ATP6V1A: variants seen among roughly 807,000 people sequenced by gnomAD.
The protein encoded by ATP6V1A is ATPase H+ transporting V1 subunit A.
In ATP6V1A, 18 loss-of-function variants were observed where a neutral mutation model predicts 70.1. The observed-to-expected ratio is 0.26, with a 90% CI of 0.18 to 0.38. The LOEUF (loss-of-function observed/expected upper bound fraction) is 0.38. ATP6V1A is among the 10% of genes least tolerant of loss of function. The pLI, the probability that ATP6V1A is intolerant of heterozygous loss-of-function variation, is 1.00. For missense variants in ATP6V1A, 424 were observed against 772.4 expected, an observed-to-expected ratio of 0.55 and a Z score of 5.35; for synonymous variants, 232 against 253.8, an observed-to-expected ratio of 0.91 and a Z score of 0.82.
At chr3:113,802,481 A>G (rs964597551) in intron 12 of ATP6V1A, among the ~76,000 whole-genome samples, 9 of 151,040 alleles carry the variant, frequency 6.0e-5, no homozygotes, top group Non-Finnish European at 1.3e-4. Flanking sequence ...CAGGCGCCCT[A>G]CCACACCTAG....
rs1191368856 is a variant in ATP6V1A at position 113,751,927 on chromosome 3, AAATT to A, written c.-14+4818_-14+4821del. ...TACAACTGTGATTAGCTGTTTTTAA[AAATT>A]AATGGTATATCATAAGTATTTTCAG... On this transcript the variant is annotated intron_variant, in intron 1 of 14. Coordinates refer to ENST00000273398, the MANE Select transcript of ATP6V1A (RefSeq NM_001690.4). Among the ~76,000 whole-genome samples, 3 of 152,010 alleles carry A rather than the reference AAATT, an allele frequency of 2.0e-5. No homozygotes were observed. In the East Asian group the frequency reaches 5.8e-4, roughly 29 times the overall value.
At chr3:113,768,389 C>G (rs774958170) in intron 1 of ATP6V1A, among the ~76,000 whole-genome samples, 20 of 151,924 alleles carry the variant, frequency 1.3e-4, no homozygotes, top group Non-Finnish European at 2.9e-4. Context: ...TTTTCAAAGT[C>G]CTTTCTTGTT....
rs1709175506 is a variant in ATP6V1A, at chr3:113,798,330, G to A, written c.1378G>A (p.Ala460Thr). The A allele has an allele frequency of 6.2e-7, 1 of 1,613,832 alleles. No homozygotes were observed. The highest frequency in any genetic ancestry group is 8.5e-7 in the Non-Finnish European group (1 of 1,179,982). Residue 460 changes from alanine (A) to threonine (T), a missense_variant, in exon 12 of 15, where the codon GCC becomes ACC. Physicochemically the swap from Ala to Thr is moderately conservative, Grantham distance 58. Transcript: ENST00000273398. ...WLISYSKYMR[A>T]LDEYYDKHFT... is the part of the protein sequence containing the mutation. ...CATCAGCTACAGCAAGTATATGCGT[G>A]CCTTGGATGAATACTATGACAAACA...
chr3:113,784,186 AAC>A (rs1191866374), intron 3 of ATP6V1A, 36 bp from the exon 4 acceptor site: 1 of 1,570,448 alleles, frequency 6.4e-7, no homozygotes, highest in Non-Finnish European at 8.8e-7. Context: ...TGTGTCTTTA[AAC>A]CTTCATAGTA....
chr3:113,788,630 T>G, intron 6 of ATP6V1A, 83 bp from the exon 7 acceptor site: 6 of 1,369,032 alleles, frequency 4.4e-6, no homozygotes, highest in Non-Finnish European at 6.0e-6. Flanking sequence ...ATTACAGGCG[T>G]GAGCCACCGC....
intron 13 of ATP6V1A, among the ~76,000 whole-genome samples, chr3:113,805,120 T>TA (rs1282250354): frequency 1.3e-5 from 2 of 152,198 alleles, no homozygotes; most frequent in African/African-American, 4.8e-5. Flanking sequence ...TTAAAATAAA[T>TA]ACAAGAATAT....
intron 1 of ATP6V1A, among the ~76,000 whole-genome samples, chr3:113,757,514 C>T (rs1311241148): frequency 6.6e-6 from 1 of 152,182 alleles, no homozygotes; most frequent in African/African-American, 2.4e-5. Context: ...AAAGTGTGTT[C>T]AAGATGGAGT....
chr3:113,779,776 A>G (rs1708958419), intron 2 of ATP6V1A, among the ~76,000 whole-genome samples: 1 of 152,254 alleles, frequency 6.6e-6, no homozygotes, highest in African/African-American at 2.4e-5. Flanking sequence ...AGGCAAAAGA[A>G]CATCAGAGAG....
intron 11 of ATP6V1A, among the ~76,000 whole-genome samples, chr3:113,797,587 T>C (rs1709166803): frequency 6.6e-6 from 1 of 152,190 alleles, no homozygotes; most frequent in South Asian, 2.1e-4. Context: ...GTAAAGTGTG[T>C]ATTCGATCTA....
chr3:113,764,618 A>C (rs1399400235), intron 1 of ATP6V1A, among the ~76,000 whole-genome samples: 3 of 152,168 alleles, frequency 2.0e-5, no homozygotes. Flanking sequence ...GGCTGTTTGC[A>C]TCATAGGTAA....
chr3:113,748,721 C>T (rs1450842189), intron 1 of ATP6V1A, among the ~76,000 whole-genome samples: 3 of 152,152 alleles, frequency 2.0e-5, no homozygotes, highest in Non-Finnish European at 4.4e-5. Context: ...AACATAACCT[C>T]GGAGATGTTG....
chr3:113,751,738 G>A (rs536065607), intron 1 of ATP6V1A, among the ~76,000 whole-genome samples: 1 of 151,416 alleles, frequency 6.6e-6, no homozygotes, highest in East Asian at 1.9e-4. Flanking sequence ...TACGCAATGT[G>A]TGTGTATGTA....
chr3:113,775,206 A>G (rs1320514171), intron 1 of ATP6V1A, among the ~76,000 whole-genome samples: 3 of 151,836 alleles, frequency 2.0e-5, no homozygotes, highest in Admixed American at 1.3e-4. Flanking sequence ...CATTTTTGTA[A>G]GCGTATTACA....
chr3:113,792,699 A>G (rs753145451), intron 8 of ATP6V1A, among the ~76,000 whole-genome samples: 1 of 152,172 alleles, frequency 6.6e-6, no homozygotes, highest in Non-Finnish European at 1.5e-5. Flanking sequence ...GCTGCTAATT[A>G]TTATTTTACA....
At position 113,809,697 on chromosome 3, in the gene ATP6V1A, G is replaced by C; in HGVS notation, c.*270G>C. 3.9e-6 allele frequency: 1 copy of C among 256,026 alleles called. No individual in the cohort carries two copies. Among genetic ancestry groups the C allele is most frequent in the South Asian group, 6.4e-5 (1 of 15,506 alleles). The allele number at this position is 256,026 out of a possible 1,614,324, so 15.9% of individuals were successfully genotyped here. A position where few individuals can be genotyped will look rare whatever the true frequency, so the allele number is the denominator to read the frequency against. On this transcript the variant is annotated 3_prime_UTR_variant, in exon 15 of 15. Transcript: ENST00000273398. ...ATTCTGGTTACACTACTGTAAACTT[G>C]TATGTAGGGTGATGACCCTCTTTGT...
chr3:113,771,114 T>G (rs1275041700), intron 1 of ATP6V1A, among the ~76,000 whole-genome samples: 1 of 151,958 alleles, frequency 6.6e-6, no homozygotes, highest in African/African-American at 2.4e-5. Context: ...AAAATTAACT[T>G]TGAATATAAT....
intron 1 of ATP6V1A, 113 bp from the exon 2 acceptor site, chr3:113,778,628 C>A: frequency 1.9e-6 from 1 of 530,564 alleles, no homozygotes; most frequent in Non-Finnish European, 3.1e-6. Flanking sequence ...AGTATAATAA[C>A]TCAAGAATAC....
intron 1 of ATP6V1A, among the ~76,000 whole-genome samples, chr3:113,768,360 A>G (rs1326271002): frequency 2.0e-5 from 3 of 152,204 alleles, no homozygotes; most frequent in Non-Finnish European, 4.4e-5. Context: ...TGAAATATGT[A>G]CAATATAAAA....
chr3:113,793,976 C>T (rs1054738000), intron 8 of ATP6V1A, among the ~76,000 whole-genome samples: 2 of 151,980 alleles, frequency 1.3e-5, no homozygotes, highest in Non-Finnish European at 2.9e-5. Flanking sequence ...CTTCATCTGC[C>T]ATATATACAA....
Sources: gnomAD v4.1 joint callset for allele counts (sites outside exome capture counted in the v4.1 genomes callset) on GRCh38, gnomAD v4.1.1 for gene constraint, MANE v1.5 for transcripts, NCBI Gene and HGNC (gene_info 2026-07-23, HGNC 2026-07-21) for gene names.